CEP112: variants seen among roughly 807,000 people sequenced by gnomAD.
CEP112 encodes the protein centrosomal protein 112, also known as centrosomal protein of 112 kDa.
In CEP112, 127 loss-of-function variants were observed where a neutral mutation model predicts 153.0. The ratio of observed to expected loss-of-function variants is 0.83; its 90% CI spans 0.72 to 0.96. The LOEUF is 0.96. Ranked by LOEUF, CEP112 falls within the 40% of genes least tolerant of loss-of-function variation. The probability of loss-of-function intolerance (pLI) is 0.00; values close to 1 mark genes in which losing one functional copy is unlikely to be tolerated. For synonymous variants in CEP112, 358 were observed against 374.4 expected, an observed-to-expected ratio of 0.96 and a Z score of 0.51; for missense variants, 1,089 against 1,101.2, an observed-to-expected ratio of 0.99 and a Z score of 0.16.
intron 8 of CEP112, among the ~76,000 whole-genome samples, chr17:66,082,777 AT>A (rs1308904460): frequency 1.9e-4 from 29 of 151,448 alleles, no homozygotes; most frequent in Non-Finnish European, 3.4e-4. Context: ...AAAAAAAAAA[AT>A]TTTTATATGT....
chr17:65,780,332 T>A (rs905890793), intron 21 of CEP112, among the ~76,000 whole-genome samples: 3 of 152,100 alleles, frequency 2.0e-5, no homozygotes, highest in Non-Finnish European at 4.4e-5. Context: ...GATCTAATCA[T>A]ATTTCAAAGC....
chr17:65,720,203 C>T (rs781680332), intron 23 of CEP112, among the ~76,000 whole-genome samples: 1 of 152,146 alleles, frequency 6.6e-6, no homozygotes, highest in Non-Finnish European at 1.5e-5. Flanking sequence ...CCATTTTGGA[C>T]ATGGAGAGTT....
chr17:66,119,308 T>C (rs2069459876), intron 6 of CEP112, among the ~76,000 whole-genome samples: 1 of 152,112 alleles, frequency 6.6e-6, no homozygotes, highest in Non-Finnish European at 1.5e-5. Flanking sequence ...ATAACAAACT[T>C]GCACATCCTG....
intron 21 of CEP112, among the ~76,000 whole-genome samples, chr17:65,811,028 G>A (rs372927881): frequency 1.5e-3 from 233 of 152,342 alleles, no homozygotes; most frequent in Non-Finnish European, 2.4e-3. Flanking sequence ...GGAGGTTTGA[G>A]AAGAATAGAC....
At chr17:66,112,272 T>G (rs566345950) in intron 6 of CEP112, among the ~76,000 whole-genome samples, 5 of 151,002 alleles carry the variant, frequency 3.3e-5, no homozygotes, top group Admixed American at 6.6e-5. Context: ...GCCTGGGGGA[T>G]GAGAGTGAGA....
At chr17:66,114,866 C>T (rs1196075001) in intron 6 of CEP112, among the ~76,000 whole-genome samples, 1 of 151,924 alleles carries the variant, frequency 6.6e-6, no homozygotes, top group Non-Finnish European at 1.5e-5. Context: ...CCACACAATA[C>T]TATGTCACTA....
Position 66,069,975 on chromosome 17 carries a change from T to C in CEP112, c.795A>G (p.Glu265=). The C allele has an allele frequency of 6.2e-7, 1 of 1,607,342 alleles. No individual in the cohort carries two copies. Among genetic ancestry groups the C allele is most frequent in the Admixed American group, 1.7e-5 (1 of 59,376 alleles). ...TAAGCTTTTCTTCATGAAATTTAGC[T>C]TCCATCATTTTTGTTTTCATGTCCA... ...KELDMKTKMM[E]AKFHEEKLKL... is the part of the protein sequence containing the mutation. The change falls in exon 9 of 27, where the codon GAA becomes GAG. Residue 265 remains glutamate (E), a synonymous_variant. Coordinates refer to ENST00000535342, the MANE Select transcript of CEP112 (RefSeq NM_001199165.4).
At chr17:65,832,944 G>T (rs1251818152) in intron 21 of CEP112, among the ~76,000 whole-genome samples, 1 of 152,106 alleles carries the variant, frequency 6.6e-6, no homozygotes, top group Non-Finnish European at 1.5e-5. Flanking sequence ...GAACATTGTT[G>T]CAAAAATCCT....
At chr17:65,877,075 C>T (rs1408597388) in intron 20 of CEP112, among the ~76,000 whole-genome samples, 7 of 152,112 alleles carry the variant, frequency 4.6e-5, no homozygotes, top group Non-Finnish European at 8.8e-5. Flanking sequence ...AAGCTCTGCA[C>T]GTGTGTGTGG....
intron 25 of CEP112, among the ~76,000 whole-genome samples, chr17:65,640,552 G>A (rs1441258431): frequency 3.3e-5 from 5 of 152,068 alleles, no homozygotes; most frequent in Admixed American, 2.0e-4. Context: ...TATCTCTAAC[G>A]ACCATGTAAA....
intron 20 of CEP112, among the ~76,000 whole-genome samples, chr17:65,864,311 T>C (rs1307121115): frequency 6.6e-6 from 1 of 152,154 alleles, no homozygotes; most frequent in Non-Finnish European, 1.5e-5. Flanking sequence ...TGTGCCTAAG[T>C]GTCCCTTTCA....
chr17:65,895,264 G>C (rs1401666737), intron 20 of CEP112, among the ~76,000 whole-genome samples: 1 of 151,950 alleles, frequency 6.6e-6, no homozygotes, highest in East Asian at 1.9e-4. Flanking sequence ...GGTATTAAAG[G>C]GTTGCATAAG....
chr17:65,875,054 T>C (rs554978435), intron 20 of CEP112, among the ~76,000 whole-genome samples: 3 of 152,150 alleles, frequency 2.0e-5, no homozygotes, highest in Admixed American at 6.5e-5. Flanking sequence ...CATAAGAACA[T>C]AGTAAATGAT....
chr17:65,639,969 C>G (rs1283458685), intron 25 of CEP112, among the ~76,000 whole-genome samples: 1 of 142,920 alleles, frequency 7.0e-6, no homozygotes, highest in African/African-American at 2.7e-5. Context: ...TCCTGAGTAG[C>G]TGGGATAACA....
At chr17:66,111,539 A>G (rs1419213856) in intron 6 of CEP112, among the ~76,000 whole-genome samples, 1 of 152,232 alleles carries the variant, frequency 6.6e-6, no homozygotes, top group Non-Finnish European at 1.5e-5. Flanking sequence ...GGATGAGATC[A>G]TTTCTTTTGC....
chr17:65,870,065 G>GAA (rs150031254), intron 20 of CEP112, among the ~76,000 whole-genome samples: 3 of 79,238 alleles, frequency 3.8e-5, no homozygotes, highest in African/African-American at 1.2e-4. Context: ...AAGAAAGAAA[G>GAA]AAAGAAAGAA....
chr17:65,916,948 G>T (rs762725131), intron 19 of CEP112, among the ~76,000 whole-genome samples: 1 of 152,160 alleles, frequency 6.6e-6, no homozygotes, highest in Non-Finnish European at 1.5e-5. Context: ...GGAAGAGAAG[G>T]CTCTTCAATT....
At chr17:66,163,069 C>T (rs2071781582) in intron 4 of CEP112, among the ~76,000 whole-genome samples, 1 of 152,038 alleles carries the variant, frequency 6.6e-6, no homozygotes, top group African/African-American at 2.4e-5. Context: ...CTGATTAACA[C>T]AAAATACAGG....
intron 4 of CEP112, among the ~76,000 whole-genome samples, chr17:66,159,719 T>C (rs117868244): frequency 0.034 from 5,189 of 152,258 alleles, 131 homozygotes; most frequent in Middle Eastern, 0.061. Context: ...GTAAGAGCTA[T>C]TTATGATAAA....
Sources: gnomAD v4.1 joint callset for allele counts (sites outside exome capture counted in the v4.1 genomes callset) on GRCh38, gnomAD v4.1.1 for gene constraint, MANE v1.5 for transcripts, NCBI Gene and HGNC (gene_info 2026-07-23, HGNC 2026-07-21) for gene names.